Variants in OXR1 observed in about 807,000 individuals in gnomAD.
OXR1 encodes the protein oxidation resistance protein 1.
OXR1 carries 41 observed loss-of-function variants against 104.6 expected under a neutral mutation model. That is an observed-to-expected ratio of 0.39 (90% CI 0.31 to 0.51). OXR1 has a LOEUF of 0.51. OXR1 is among the 20% of genes least tolerant of loss of function. The pLI is 0.77. For synonymous variants in OXR1, 348 were observed against 348.4 expected (o/e 1.00, Z 0.01); for missense variants, 955 against 1,031.9 (o/e 0.93, Z 1.02).
At chr8:106,736,335 T>G (rs991343375) in intron 11 of OXR1, among the ~76,000 whole-genome samples, 2 of 152,186 alleles carry the variant, frequency 1.3e-5, no homozygotes, top group Admixed American at 1.3e-4. Flanking sequence ...CTCATGTCTT[T>G]CAGAACTTTC....
At chr8:106,309,768 AAT>A in intron 1 of OXR1, among the ~76,000 whole-genome samples, 1 of 150,760 alleles carries the variant, frequency 6.6e-6, no homozygotes. Flanking sequence ...TTAAAATAAA[AAT>A]ATATATACAC....
At chr8:106,697,371 C>T (rs932440503) in intron 7 of OXR1, 1 of 1,165,582 alleles carries the variant, frequency 8.6e-7, no homozygotes, top group African/African-American at 1.5e-5. Flanking sequence ...AAATATATAT[C>T]TACATGTATA....
intron 1 of OXR1, among the ~76,000 whole-genome samples, chr8:106,305,585 T>C (rs1009545092): frequency 6.6e-6 from 1 of 152,170 alleles, no homozygotes; most frequent in East Asian, 1.9e-4. Context: ...GCTGTGTGGA[T>C]GGATGATAAT....
At chr8:106,398,827 A>T (rs932550960) in intron 2 of OXR1, among the ~76,000 whole-genome samples, 3 of 152,148 alleles carry the variant, frequency 2.0e-5, no homozygotes, top group Non-Finnish European at 4.4e-5. Context: ...GACATCTGAG[A>T]GTATAAACAT....
At chr8:106,680,268 A>G (rs1255510768) in intron 4 of OXR1, among the ~76,000 whole-genome samples, 2 of 152,158 alleles carry the variant, frequency 1.3e-5, no homozygotes, top group African/African-American at 4.8e-5. Context: ...GTGTGTTTGT[A>G]CCTTCTCTGC....
intron 2 of OXR1, among the ~76,000 whole-genome samples, chr8:106,510,612 T>A (rs1175187408): frequency 6.6e-6 from 1 of 152,206 alleles, no homozygotes; most frequent in East Asian, 1.9e-4. Flanking sequence ...TGAATCTATG[T>A]ATGCTTCTAT....
intron 2 of OXR1, among the ~76,000 whole-genome samples, chr8:106,370,984 C>T (rs1408102149): frequency 6.6e-6 from 1 of 151,158 alleles, no homozygotes; most frequent in Non-Finnish European, 1.5e-5. Context: ...ACCAGCTCCT[C>T]TTTGTACCTC....
intron 2 of OXR1, among the ~76,000 whole-genome samples, chr8:106,499,735 G>A (rs1811657922): frequency 6.6e-6 from 1 of 152,136 alleles, no homozygotes; most frequent in Non-Finnish European, 1.5e-5. Context: ...CGGGAGAAAG[G>A]AACCACAAAA....
At chr8:106,495,314 A>T (rs1254148880) in intron 2 of OXR1, among the ~76,000 whole-genome samples, 1 of 152,194 alleles carries the variant, frequency 6.6e-6, no homozygotes, top group East Asian at 1.9e-4. Context: ...TGAAAGTGTT[A>T]GGAATGAAGA....
chr8:106,346,706 C>T (rs1242365476), intron 1 of OXR1, among the ~76,000 whole-genome samples: 1 of 151,702 alleles, frequency 6.6e-6, no homozygotes, highest in Non-Finnish European at 1.5e-5. Flanking sequence ...TTCAGTGGTA[C>T]TCTCTGAGGT....
chr8:106,381,461 A>G (rs1462378511), intron 2 of OXR1, among the ~76,000 whole-genome samples: 3 of 152,152 alleles, frequency 2.0e-5, no homozygotes, highest in Non-Finnish European at 2.9e-5. Flanking sequence ...AATCAATTGA[A>G]CATAAAAGAG....
rs565816034 is a variant in OXR1 at position 106,388,547 on chromosome 8, C to T, written c.23+28911C>T. Among the ~76,000 whole-genome samples the T allele has an allele frequency of 8.4e-4, 128 of 152,126 alleles. 1 individual carries two copies. Among genetic ancestry groups the T allele is most frequent in the African/African-American group, 3.0e-3 (124 of 41,488 alleles). ...AAGCGATTCTCCTGCCTCAGCCTCC[C>T]GAGTAGCTGGGATTACAGGTGCCCA... is the stretch of plus-strand genomic sequence containing the variant. On this transcript the variant is annotated intron_variant, in intron 2 of 16. Coordinates refer to ENST00000517566, the MANE Select transcript of OXR1 (RefSeq NM_001198533.2).
chr8:106,301,095 G>A (rs1282112242), intron 1 of OXR1, among the ~76,000 whole-genome samples: 1 of 152,154 alleles, frequency 6.6e-6, no homozygotes, highest in East Asian at 1.9e-4. Flanking sequence ...CTATAAACCA[G>A]CATTTTTGAC....
chr8:106,588,201 C>T (rs988482055), intron 3 of OXR1, among the ~76,000 whole-genome samples: 5 of 152,026 alleles, frequency 3.3e-5, no homozygotes, highest in East Asian at 1.9e-4. Context: ...CCTCGTGATC[C>T]GCCCACCTCG....
chr8:106,528,369 A>G (rs1464025989), intron 3 of OXR1, among the ~76,000 whole-genome samples: 1 of 152,224 alleles, frequency 6.6e-6, no homozygotes, highest in Non-Finnish European at 1.5e-5. Context: ...CAATGCAATG[A>G]TCCTGTCTTT....
At chr8:106,373,268 G>A (rs1358773105) in intron 2 of OXR1, among the ~76,000 whole-genome samples, 7 of 152,088 alleles carry the variant, frequency 4.6e-5, no homozygotes, top group Non-Finnish European at 1.0e-4. Flanking sequence ...TATTACAGTT[G>A]CCCAACTTGT....
At chr8:106,354,518 A>G (rs1453568776) in intron 1 of OXR1, among the ~76,000 whole-genome samples, 2 of 152,138 alleles carry the variant, frequency 1.3e-5, no homozygotes, top group Admixed American at 6.5e-5. Flanking sequence ...GAAATTATCT[A>G]TAATGTTTAG....
intron 3 of OXR1, among the ~76,000 whole-genome samples, chr8:106,555,597 A>G (rs1162218469): frequency 6.6e-6 from 1 of 152,114 alleles, no homozygotes; most frequent in Non-Finnish European, 1.5e-5. Flanking sequence ...TGTGGCCATT[A>G]TTTATTCACT....
intron 3 of OXR1, among the ~76,000 whole-genome samples, chr8:106,660,788 G>A (rs979645499): frequency 2.6e-5 from 4 of 152,216 alleles, no homozygotes; most frequent in East Asian, 1.9e-4. Context: ...CGAGACGGGC[G>A]GATCACCTGA....
Sources: allele counts gnomAD v4.1 joint callset (sites outside exome capture counted in the v4.1 genomes callset), GRCh38; gene constraint gnomAD v4.1.1; transcripts MANE v1.5; gene names NCBI Gene and HGNC (gene_info 2026-07-23, HGNC 2026-07-21).